The following FCHO2 variants were observed in gnomAD, a reference collection of about 807,000 sequenced individuals.
FCHO2 encodes FCH and mu domain containing endocytic adaptor 2.
Under a neutral mutation model 114.1 loss-of-function variants are expected in FCHO2, and 43 were observed. That is an observed-to-expected ratio of 0.38 (90% CI 0.30 to 0.49). The LOEUF (loss-of-function observed/expected upper bound fraction) is 0.49, where lower values mean the gene tolerates loss of function less well. FCHO2 is among the 20% of genes least tolerant of loss of function. The probability of loss-of-function intolerance (pLI) is 0.97; values close to 1 mark genes in which losing one functional copy is unlikely to be tolerated. For synonymous variants in FCHO2, 293 were observed against 315.2 expected (o/e 0.93, Z 0.75); for missense variants, 807 against 950.4 (o/e 0.85, Z 1.98).
chr5:72,986,353 C>A (rs1456337487), intron 2 of FCHO2, among the ~76,000 whole-genome samples: 1 of 151,888 alleles, frequency 6.6e-6, no homozygotes, highest in East Asian at 1.9e-4. Flanking sequence ...TGGGATTTTT[C>A]TCTGCTTTCT....
In FCHO2 at chr5:73,090,119, G is replaced by A. The variant is rs981394625; in HGVS notation, c.*2029G>A. The A allele has an allele frequency of 2.6e-5, 4 of 152,518 alleles. No individual in the cohort carries two copies. Among genetic ancestry groups the A allele is most frequent in the African/African-American group, 9.7e-5 (4 of 41,432 alleles). The allele number at this position is 152,518 out of a possible 1,614,324, so 9.4% of individuals were successfully genotyped here. A position where few individuals can be genotyped will look rare whatever the true frequency, so the allele number is the denominator to read the frequency against. ...CTAAAAATGTACAAATTAGTGAAAT[G>A]GTTAAACTTCTGCACTTTCTTAGTT... On this transcript the variant is annotated 3_prime_UTR_variant, in exon 26 of 26. Coordinates refer to ENST00000430046, the MANE Select transcript of FCHO2 (RefSeq NM_138782.3).
intron 2 of FCHO2, among the ~76,000 whole-genome samples, chr5:72,976,191 A>G (rs1752860797): frequency 1.3e-5 from 2 of 152,124 alleles, no homozygotes; most frequent in African/African-American, 4.8e-5. Flanking sequence ...GTGGTATCTT[A>G]TCATTGTTTT....
At chr5:73,042,484 G>T (rs546034782) in intron 11 of FCHO2, among the ~76,000 whole-genome samples, 298 of 152,086 alleles carry the variant, frequency 2.0e-3, no homozygotes, top group Non-Finnish European at 3.0e-3. Flanking sequence ...TTTTAATTCA[G>T]TAACTGATAC....
chr5:73,050,775 A>C (rs577710716), intron 11 of FCHO2, among the ~76,000 whole-genome samples: 59 of 152,146 alleles, frequency 3.9e-4, no homozygotes, highest in Non-Finnish European at 1.6e-4. Flanking sequence ...TCCAGGTTCA[A>C]GTTTTTTTTG....
chr5:72,979,298 C>G (rs939061485), intron 2 of FCHO2, among the ~76,000 whole-genome samples: 3 of 146,216 alleles, frequency 2.1e-5, no homozygotes, highest in Non-Finnish European at 4.5e-5. Flanking sequence ...AGCTTGTTAT[C>G]GATCTGTCCA....
At chr5:72,979,771 C>T (rs1333171475) in intron 2 of FCHO2, among the ~76,000 whole-genome samples, 1 of 152,172 alleles carries the variant, frequency 6.6e-6, no homozygotes, top group Non-Finnish European at 1.5e-5. Context: ...GTTTGTAATT[C>T]TATTGGATCA....
chr5:73,070,160 T>C (rs1742564972), intron 19 of FCHO2, among the ~76,000 whole-genome samples: 1 of 152,110 alleles, frequency 6.6e-6, no homozygotes, highest in South Asian at 2.1e-4. Flanking sequence ...GTGATTCTGA[T>C]GCATGCTAAG....
chr5:73,030,842 A>C lies in FCHO2; in HGVS notation c.797-3815A>C, dbSNP rs74559323. On this transcript the variant is annotated intron_variant, in intron 8 of 25. Transcript: ENST00000430046. ...GAGGTTTGAAACTGCTGAATTGAGG[A>C]AATTGATTCAGCAAGTCCTTTTTTA... Among the ~76,000 whole-genome samples, 141 of 152,358 alleles carry C rather than the reference A, an allele frequency of 9.3e-4. 2 individuals carry two copies. In the East Asian group the frequency reaches 0.023, roughly 25 times the overall value.
intron 24 of FCHO2, 28 bp downstream of exon 24, chr5:73,082,853 T>G: frequency 1.3e-6 from 2 of 1,529,654 alleles, no homozygotes; most frequent in Non-Finnish European, 1.8e-6. Context: ...TTTTTATTTA[T>G]AAAATGATGT....
chr5:72,979,744 A>G (rs1414529433), intron 2 of FCHO2, among the ~76,000 whole-genome samples: 1 of 152,120 alleles, frequency 6.6e-6, no homozygotes, highest in African/African-American at 2.4e-5. Context: ...TGGTGTTTCT[A>G]GTATTCTCTG....
Position 72,979,861 on chromosome 5 carries a change from GTCTA to G in FCHO2, c.126-9560_126-9557del, listed in dbSNP as rs1237989272. Reference sequence around the variant, plus strand: ...TTCTTGTTTGTTATTCTGGCTAGCGGTCTATCTATTTTGTTGATCTTTTCAAAAA... The same window carrying G: ...TTCTTGTTTGTTATTCTGGCTAGCGGTCTATTTTGTTGATCTTTTCAAAAA... On this transcript the variant is annotated intron_variant, in intron 2 of 25. Coordinates refer to ENST00000430046, the MANE Select transcript of FCHO2 (RefSeq NM_138782.3). Among the ~76,000 whole-genome samples the G allele has an allele frequency of 3.9e-5, 6 of 152,148 alleles. No individual in the cohort carries two copies. The East Asian group carries it at 5.8e-4, about 15-fold the overall frequency.
chr5:72,984,604 T>A (rs947585983), intron 2 of FCHO2, among the ~76,000 whole-genome samples: 10 of 152,166 alleles, frequency 6.6e-5, no homozygotes, highest in African/African-American at 2.4e-4. Context: ...GTTTGAAAAG[T>A]TATGTTTTTC....
intron 23 of FCHO2, 69 bp downstream of exon 23, chr5:73,082,051 G>A: frequency 7.6e-7 from 1 of 1,323,116 alleles, no homozygotes; most frequent in South Asian, 2.2e-5. Context: ...TAGAACCCAA[G>A]TTCTGTAAGT....
At chr5:73,018,370 C>T (rs1328958318) in intron 8 of FCHO2, among the ~76,000 whole-genome samples, 1 of 152,172 alleles carries the variant, frequency 6.6e-6, no homozygotes, top group Non-Finnish European at 1.5e-5. Flanking sequence ...TGTTATAGCA[C>T]ACTCATCTTT....
intron 20 of FCHO2, among the ~76,000 whole-genome samples, chr5:73,075,257 T>A (rs1046015178): frequency 6.6e-6 from 1 of 152,176 alleles, no homozygotes; most frequent in Non-Finnish European, 1.5e-5. Context: ...AGAGGGCTAC[T>A]ATTTTAGATA....
rs571144614 is a variant in FCHO2 at position 72,967,872 on chromosome 5, C to T, written c.34-626C>T. Reference sequence around the variant, plus strand: ...TGACCTCAAGTGATCCGCCTGCCTCCGCCTCCCAAAATGCTGGGATTACAG... The same window carrying T: ...TGACCTCAAGTGATCCGCCTGCCTCTGCCTCCCAAAATGCTGGGATTACAG... On this transcript the variant is annotated intron_variant, in intron 1 of 25. Transcript: ENST00000430046. Among the ~76,000 whole-genome samples, 99 of 151,556 alleles carry T rather than the reference C, an allele frequency of 6.5e-4. 1 individual carries two copies. The highest frequency in any genetic ancestry group is 1.2e-3 in the Non-Finnish European group (83 of 67,904).
Position 73,088,068 on chromosome 5 carries a change from G to A in FCHO2, c.2411G>A (p.Gly804Glu). The change falls in exon 26 of 26, where the codon GGA becomes GAA. Residue 804 changes from glycine (G) to glutamate (E), a missense_variant and splice_region_variant. Coordinates refer to ENST00000430046, the MANE Select transcript of FCHO2 (RefSeq NM_138782.3). ...LSLIKKRFAT[G>E]RYLADC ...CAAAGGTCTGCTTGGCGTTTTTCAG[G>A]ACGATACCTGGCGGATTGTTGATGG... The A allele has an allele frequency of 6.2e-7, 1 of 1,613,522 alleles. No individual in the cohort carries two copies. The highest frequency in any genetic ancestry group is 8.5e-7 in the Non-Finnish European group (1 of 1,179,724).
At chr5:73,034,157 AC>A (rs1756375955) in intron 8 of FCHO2, among the ~76,000 whole-genome samples, 1 of 152,314 alleles carries the variant, frequency 6.6e-6, no homozygotes, top group African/African-American at 2.4e-5. Context: ...TTACTTATTT[AC>A]CCAACTTATT....
In FCHO2 at chr5:73,028,645, T is replaced by G. The variant is rs970061991; in HGVS notation, c.797-6012T>G. ...AAAATAAGAATACATATTATATGAT[T>G]CTTTTTTTTTTTTTTTTTTTTTGTG... On this transcript the variant is annotated intron_variant, in intron 8 of 25. Transcript: ENST00000430046. 4.8e-5 allele frequency among the ~76,000 whole-genome samples: 7 copies of G among 147,044 alleles called. No individual in the cohort carries two copies. The South Asian group carries it at 1.5e-3, about 32-fold the overall frequency.
Sources: gnomAD v4.1 joint callset for allele counts (sites outside exome capture counted in the v4.1 genomes callset) on GRCh38, gnomAD v4.1.1 for gene constraint, MANE v1.5 for transcripts, NCBI Gene and HGNC (gene_info 2026-07-23, HGNC 2026-07-21) for gene names.